TFEB: variants seen among roughly 807,000 people sequenced by gnomAD.
The protein encoded by TFEB is transcription factor EB, also known as T-cell transcription factor EB.
Under a neutral mutation model 48.0 loss-of-function variants are expected in TFEB, and 12 were observed. The observed-to-expected ratio is 0.25, with a 90% CI of 0.16 to 0.40. The LOEUF is 0.40. Ranked by LOEUF, TFEB falls within the 10% of genes least tolerant of loss-of-function variation. The pLI is 1.00. For synonymous variants in TFEB, 244 were observed against 261.4 expected (o/e 0.93, Z 0.64); for missense variants, 509 against 640.3 (o/e 0.79, Z 2.21).
intron 1 of TFEB, among the ~76,000 whole-genome samples, chr6:41,726,009 C>T (rs1490034635): frequency 1.3e-5 from 2 of 152,082 alleles, no homozygotes; most frequent in East Asian, 1.9e-4. Flanking sequence ...TTTGGGAGGC[C>T]GAGGTAGGAG....
intron 1 of TFEB, among the ~76,000 whole-genome samples, chr6:41,701,897 A>G (rs1385467032): frequency 1.3e-5 from 2 of 150,398 alleles, no homozygotes; most frequent in Non-Finnish European, 2.9e-5. Flanking sequence ...ATGAGCTGAG[A>G]TCGCACCACT....
At chr6:41,714,805 C>T (rs1001410196) in intron 1 of TFEB, among the ~76,000 whole-genome samples, 2 of 152,146 alleles carry the variant, frequency 1.3e-5, no homozygotes, top group African/African-American at 4.8e-5. Context: ...CAAGGGACTC[C>T]AGCCCTCAGG....
intron 7 of TFEB, chr6:41,686,697 G>T: frequency 3.9e-6 from 1 of 255,408 alleles, no homozygotes; most frequent in Non-Finnish European, 7.7e-6. Flanking sequence ...TGTATTTTTA[G>T]TAGAGATGGG....
intron 1 of TFEB, among the ~76,000 whole-genome samples, chr6:41,731,198 C>T (rs1010564332): frequency 6.6e-6 from 1 of 152,164 alleles, no homozygotes; most frequent in African/African-American, 2.4e-5. Flanking sequence ...TGCAAGAACC[C>T]TCACTTTTTA....
In TFEB at chr6:41,723,761, C is replaced by A; in HGVS notation, c.-23+11589G>T. Reference sequence around the variant, plus strand: ...TCAATCTCACCCGCCCGGCTCCAGGCGCCCACAGCGCTCCTTGGTCCTCCC... The same window carrying A: ...TCAATCTCACCCGCCCGGCTCCAGGAGCCCACAGCGCTCCTTGGTCCTCCC... On this transcript the variant is annotated intron_variant, in intron 1 of 8. Coordinates refer to ENST00000373033, the MANE Select transcript of TFEB (RefSeq NM_001271944.2). This position sits in a 1 kb window ranked among gnomAD's most constrained non-coding sequence, Gnocchi z 6.0. 1 of 371,312 alleles carries A rather than the reference C, an allele frequency of 2.7e-6. No homozygotes were observed. Among genetic ancestry groups the A allele is most frequent in the Non-Finnish European group, 5.3e-6 (1 of 189,206 alleles). 23.0% of individuals were successfully genotyped at this position (371,312 alleles called of 1,614,324 possible).
At chr6:41,729,484 C>T (rs747065041) in intron 1 of TFEB, among the ~76,000 whole-genome samples, 1 of 152,204 alleles carries the variant, frequency 6.6e-6, no homozygotes, top group Admixed American at 6.5e-5. Flanking sequence ...TAAGAGCCTC[C>T]CTTCAACAAA....
Sources: allele counts gnomAD v4.1 joint callset (sites outside exome capture counted in the v4.1 genomes callset), GRCh38; gene constraint gnomAD v4.1.1; non-coding constraint Gnocchi (gnomAD v3.1); transcripts MANE v1.5; gene names NCBI Gene and HGNC (gene_info 2026-07-23, HGNC 2026-07-21).